The following MGMT variants were observed in gnomAD, a reference collection of about 807,000 sequenced individuals.
MGMT encodes O-6-methylguanine-DNA methyltransferase, also known as methylated-DNA--protein-cysteine methyltransferase.
In MGMT, 14 loss-of-function variants were observed where a neutral mutation model predicts 15.9. The observed-to-expected ratio is 0.88, with a 90% CI of 0.58 to 1.37. The LOEUF is 1.37. Ranked by LOEUF, MGMT falls within the 40% of genes most tolerant of loss-of-function variation. The pLI is 0.00. For missense variants in MGMT, 282 were observed against 268.1 expected (o/e 1.05, Z -0.36); for synonymous variants, 130 against 118.2 (o/e 1.10, Z -0.65).
At chr10:129,501,770 G>A (rs973447990) in intron 1 of MGMT, among the ~76,000 whole-genome samples, 1 of 152,186 alleles carries the variant, frequency 6.6e-6, no homozygotes, top group African/African-American at 2.4e-5. Context: ...TTGAAACAAA[G>A]CCTGAATTGA....
chr10:129,766,962 G>A lies in MGMT; in HGVS notation c.589G>A (p.Ala197Thr), dbSNP rs767359461. The change falls in exon 5 of 5, where the codon GCT becomes ACT. Residue 197 changes from alanine to threonine, a missense_variant. Transcript: ENST00000651593. Reference sequence around the variant, plus strand: ...AGGGGCCTGGCTCAAGGGAGCGGGAGCTACCTCGGGCTCCCCGCCTGCTGG... The same window carrying A: ...AGGGGCCTGGCTCAAGGGAGCGGGAACTACCTCGGGCTCCCCGCCTGCTGG... ...LAGAWLKGAG[A>T]TSGSPPAGRN 1.1e-5 allele frequency: 18 copies of A among 1,607,744 alleles called. No homozygotes were observed. The highest frequency in any genetic ancestry group is 1.7e-5 in the Admixed American group (1 of 59,196).
At chr10:129,605,842 C>T (rs1452060907) in intron 2 of MGMT, among the ~76,000 whole-genome samples, 6 of 151,892 alleles carry the variant, frequency 4.0e-5, no homozygotes, top group African/African-American at 1.2e-4. Context: ...CAAAAACACC[C>T]GTTGTGCTGT....
intron 1 of MGMT, among the ~76,000 whole-genome samples, chr10:129,493,688 C>T (rs543257627): frequency 7.2e-5 from 11 of 152,260 alleles, no homozygotes; most frequent in African/African-American, 9.6e-5. Flanking sequence ...GGTCACTGTG[C>T]GCCAGGCCCA....
At chr10:129,601,274 C>T (rs2133061356) in intron 2 of MGMT, among the ~76,000 whole-genome samples, 1 of 152,210 alleles carries the variant, frequency 6.6e-6, no homozygotes, top group East Asian at 1.9e-4. Flanking sequence ...AAACTTGGTC[C>T]ATATCAAATA....
rs185463495 is a variant in MGMT at position 129,636,509 on chromosome 10, C to T, written c.126-71386C>T. ...GCCTTAATGCTGATAGTCATTGTTT[C>T]AGTTTTACTTTTTATTTCTTTGTCT... is the stretch of plus-strand genomic sequence containing the variant. On this transcript the variant is annotated intron_variant, in intron 2 of 4. Transcript: ENST00000651593. Among the ~76,000 whole-genome samples, 41 of 152,306 alleles carry T rather than the reference C, an allele frequency of 2.7e-4. No homozygotes were observed. In the East Asian group the frequency reaches 7.7e-3, roughly 29 times the overall value.
At chr10:129,689,882 C>T (rs191561444) in intron 2 of MGMT, among the ~76,000 whole-genome samples, 3 of 152,230 alleles carry the variant, frequency 2.0e-5, no homozygotes, top group Admixed American at 6.5e-5. Context: ...GATGATAGGC[C>T]GTGATAAAAC....
chr10:129,699,584 CCT>C (rs1163642271), intron 2 of MGMT, among the ~76,000 whole-genome samples: 1 of 152,086 alleles, frequency 6.6e-6, no homozygotes, highest in East Asian at 1.9e-4. Flanking sequence ...CCGTTGGTGG[CCT>C]ATAATAGGAT....
At chr10:129,639,768 A>G (rs1023898146) in intron 2 of MGMT, among the ~76,000 whole-genome samples, 11 of 152,176 alleles carry the variant, frequency 7.2e-5, no homozygotes, top group Non-Finnish European at 1.6e-4. Flanking sequence ...CTGCTTTAAG[A>G]AAACAGAAAA....
intron 1 of MGMT, among the ~76,000 whole-genome samples, chr10:129,485,642 A>G (rs1233206180): frequency 1.3e-5 from 2 of 152,358 alleles, no homozygotes; most frequent in East Asian, 3.9e-4. Flanking sequence ...AAGTATTTGC[A>G]AATATTCCCA....
intron 2 of MGMT, among the ~76,000 whole-genome samples, chr10:129,629,016 C>T (rs991491948): frequency 6.6e-6 from 1 of 152,236 alleles, no homozygotes; most frequent in Non-Finnish European, 1.5e-5. Context: ...CTCTTCCTGA[C>T]ACCTCTCCTG....
intron 2 of MGMT, among the ~76,000 whole-genome samples, chr10:129,702,382 CAAAG>C (rs2133136607): frequency 6.6e-6 from 1 of 152,330 alleles, no homozygotes; most frequent in African/African-American, 2.4e-5. Context: ...CGTGCCAAGT[CAAAG>C]AAAGTGAAAG....
Position 129,497,325 on chromosome 10 carries a change from G to A in MGMT, c.-13+30029G>A, listed in dbSNP as rs979124369. 3.9e-5 allele frequency among the ~76,000 whole-genome samples: 6 copies of A among 152,120 alleles called. No homozygotes were observed. In the East Asian group the frequency reaches 5.8e-4, roughly 15 times the overall value. On this transcript the variant is annotated intron_variant, in intron 1 of 4. Transcript: ENST00000651593. ...CTGTGCCTCCCCGGTCAGCTGGTCC[G>A]GCACTGCAGTCAGCAGCAAGGGCGT...
intron 1 of MGMT, among the ~76,000 whole-genome samples, chr10:129,517,561 G>A (rs917730497): frequency 6.6e-6 from 1 of 152,190 alleles, no homozygotes; most frequent in Non-Finnish European, 1.5e-5. Context: ...GAGGAAGGGT[G>A]TCACGGCGTC....
intron 1 of MGMT, among the ~76,000 whole-genome samples, chr10:129,522,685 A>G (rs1308645292): frequency 6.6e-6 from 1 of 152,240 alleles, no homozygotes; most frequent in African/African-American, 2.4e-5. Context: ...TTTGCAAACA[A>G]ACACTTGGTA....
rs1447609058 is a variant in MGMT, at chr10:129,769,901, G to A, written c.*2904G>A. 6.6e-6 allele frequency among the ~76,000 whole-genome samples: 1 copy of A among 152,162 alleles called. No homozygotes were observed. The highest frequency in any genetic ancestry group is 2.4e-5 in the African/African-American group (1 of 41,432). On this transcript the variant is annotated 3_prime_UTR_variant, in exon 5 of 5. Transcript: ENST00000651593. ...TTGCATGAGGAATTGCAGAACTTAG[G>A]GGCATGAATTTGCACTTCCAGATGT...
In MGMT at chr10:129,556,696, A is replaced by C. The variant is rs1846218349; in HGVS notation, c.125+20319A>C. Reference sequence around the variant, plus strand: ...CAGGACGGGCAGGAGCGTTCTAGGCAAATGATGAAAATGGTATTTTACACA... The same window carrying C: ...CAGGACGGGCAGGAGCGTTCTAGGCCAATGATGAAAATGGTATTTTACACA... On this transcript the variant is annotated intron_variant, in intron 2 of 4. Transcript: ENST00000651593. This position sits in a 1 kb window ranked among gnomAD's most constrained non-coding sequence, Gnocchi z 4.3. Among the ~76,000 whole-genome samples the C allele has an allele frequency of 6.6e-6, 1 of 152,240 alleles. No homozygotes were observed.
At chr10:129,721,896 G>C (rs1274156601) in intron 3 of MGMT, among the ~76,000 whole-genome samples, 1 of 151,852 alleles carries the variant, frequency 6.6e-6, no homozygotes, top group South Asian at 2.1e-4. Context: ...AAAATAACAA[G>C]TTGGCAGACT....
intron 2 of MGMT, among the ~76,000 whole-genome samples, chr10:129,681,513 T>C (rs370237967): frequency 1.3e-5 from 2 of 152,228 alleles, no homozygotes; most frequent in East Asian, 1.9e-4. Flanking sequence ...TAAAAAATTC[T>C]GTTCCTAAAC....
At chr10:129,537,704 A>G (rs1053982789) in intron 2 of MGMT, among the ~76,000 whole-genome samples, 1 of 152,236 alleles carries the variant, frequency 6.6e-6, no homozygotes. Context: ...TTAATTTTGA[A>G]TTTCTACTTT....
Sources: allele counts gnomAD v4.1 joint callset (sites outside exome capture counted in the v4.1 genomes callset), GRCh38; gene constraint gnomAD v4.1.1; non-coding constraint Gnocchi (gnomAD v3.1); transcripts MANE v1.5; gene names NCBI Gene and HGNC (gene_info 2026-07-23, HGNC 2026-07-21).